The following ME3 variants were observed in gnomAD, a reference collection of about 807,000 sequenced individuals.
ME3 encodes the protein NADP-dependent malic enzyme, mitochondrial.
ME3 carries 48 observed loss-of-function variants against 68.9 expected under a neutral mutation model. The ratio of observed to expected loss-of-function variants is 0.70; its 90% CI spans 0.55 to 0.89. The LOEUF is 0.89. Ranked by LOEUF, ME3 falls within the 40% of genes least tolerant of loss-of-function variation. ME3 has a pLI of 0.00. For synonymous variants in ME3, 320 were observed against 318.8 expected, an observed-to-expected ratio of 1.00 and a Z score of -0.04; for missense variants, 675 against 797.4, an observed-to-expected ratio of 0.85 and a Z score of 1.85.
At chr11:86,580,892 C>T (rs1273446343) in intron 2 of ME3, among the ~76,000 whole-genome samples, 1 of 152,144 alleles carries the variant, frequency 6.6e-6, no homozygotes, top group Non-Finnish European at 1.5e-5. Flanking sequence ...ATCAGTCTAC[C>T]AAAGTAGGTG....
intron 2 of ME3, among the ~76,000 whole-genome samples, chr11:86,657,069 A>C (rs915774127): frequency 9.9e-5 from 15 of 152,212 alleles, no homozygotes; most frequent in Non-Finnish European, 2.1e-4. Flanking sequence ...GGGATTCCTC[A>C]AGGATCTAGA....
chr11:86,556,553 C>G, exon 4 of ME3: 1 of 1,613,280 alleles, frequency 6.2e-7, no homozygotes, highest in Non-Finnish European at 8.5e-7. Context: ...GGGGGCTCAC[C>G]GGGGCCTGCG....
At chr11:86,577,242 A>G (rs1379454117) in intron 2 of ME3, among the ~76,000 whole-genome samples, 1 of 152,228 alleles carries the variant, frequency 6.6e-6, no homozygotes, top group Non-Finnish European at 1.5e-5. Context: ...GAGATTGCAC[A>G]GATAGGGGAT....
intron 2 of ME3, among the ~76,000 whole-genome samples, chr11:86,573,766 T>G (rs1337942185): frequency 6.6e-6 from 1 of 152,174 alleles, no homozygotes; most frequent in African/African-American, 2.4e-5. Flanking sequence ...TGGCTATGGG[T>G]TTGTCATAAA....
intron 4 of ME3, among the ~76,000 whole-genome samples, chr11:86,525,005 T>G (rs370731936): frequency 6.6e-6 from 1 of 152,216 alleles, no homozygotes; most frequent in Non-Finnish European, 1.5e-5. Flanking sequence ...TTTGAAATGA[T>G]TGAGAAAAGA....
chr11:86,477,058 A>G (rs549649726), intron 7 of ME3, among the ~76,000 whole-genome samples: 2 of 152,332 alleles, frequency 1.3e-5, no homozygotes, highest in East Asian at 3.9e-4. Flanking sequence ...TTTTTTTACT[A>G]TCACTCAGGT....
At position 86,473,429 on chromosome 11, in the gene ME3, T is replaced by C. The variant is rs1174461032; in HGVS notation, c.810-8229A>G. Among the ~76,000 whole-genome samples, 3 of 152,212 alleles carry C rather than the reference T, an allele frequency of 2.0e-5. No individual in the cohort carries two copies. In the South Asian group the frequency reaches 6.2e-4, roughly 32 times the overall value. On this transcript the variant is annotated intron_variant, in intron 7 of 14. Coordinates refer to ENST00000543262, the Ensembl canonical transcript of ME3. The stretch of plus-strand genomic sequence containing the variant: ...TGGTCATCACAAATTTCAAGAAGCT[T>C]GGCTGTGAAGTAGGCAGGGTGACAG...
chr11:86,509,430 G>A lies in ME3; in HGVS notation c.468-563C>T, dbSNP rs72951796. 5.2e-4 allele frequency among the ~76,000 whole-genome samples: 49 copies of A among 93,834 alleles called. 1 individual carries two copies. The highest frequency in any genetic ancestry group is 2.0e-3 in the South Asian group (6 of 3,002). 61.6% of individuals were successfully genotyped at this position (93,834 alleles called of 152,430 possible). On this transcript the variant is annotated intron_variant, in intron 4 of 14. Transcript: ENST00000543262. The stretch of plus-strand genomic sequence containing the variant: ...CACACACACACACACACACACACAC[G>A]CATGTGCGAAGGCAATGGGGTTTGG...
At chr11:86,597,470 T>G (rs1260942746) in intron 2 of ME3, among the ~76,000 whole-genome samples, 1 of 152,216 alleles carries the variant, frequency 6.6e-6, no homozygotes, top group African/African-American at 2.4e-5. Flanking sequence ...CACATCTTGT[T>G]GTTGGAAAGG....
At chr11:86,500,613 G>C (rs1952662100) in intron 5 of ME3, among the ~76,000 whole-genome samples, 1 of 152,158 alleles carries the variant, frequency 6.6e-6, no homozygotes. Context: ...CCATAGAATA[G>C]AGTCCAAAAT....
At chr11:86,630,211 G>A (rs962607864) in intron 2 of ME3, among the ~76,000 whole-genome samples, 1 of 152,098 alleles carries the variant, frequency 6.6e-6, no homozygotes, top group South Asian at 2.1e-4. Context: ...ATGAGCTAAA[G>A]GTTTGAGTTA....
chr11:86,444,083 C>G (rs548367761), intron 13 of ME3, among the ~76,000 whole-genome samples: 6 of 152,066 alleles, frequency 3.9e-5, no homozygotes, highest in Non-Finnish European at 8.8e-5. Flanking sequence ...ATGATTATAG[C>G]AATTATAGTG....
intron 2 of ME3, among the ~76,000 whole-genome samples, chr11:86,611,267 A>G (rs1942551417): frequency 6.6e-6 from 1 of 152,144 alleles, no homozygotes; most frequent in African/African-American, 2.4e-5. Flanking sequence ...GATGTTGGTC[A>G]AAGGGTATAA....
chr11:86,672,198 G>A lies in ME3; in HGVS notation c.-15+126C>T. The A allele has an allele frequency of 1.2e-5, 5 of 418,698 alleles. 2 individuals are homozygous for A. The Middle Eastern group carries it at 1.8e-3, about 151-fold the overall frequency. The allele number at this position is 418,698 out of a possible 1,614,324, so 25.9% of individuals were successfully genotyped here. Reference sequence around the variant, plus strand: ...ACCAAGCCCTGGAAGCAGATCCGGTGCGGGTGACAGCCGGCGCCACCCCTG... The same window carrying A: ...ACCAAGCCCTGGAAGCAGATCCGGTACGGGTGACAGCCGGCGCCACCCCTG... On this transcript the variant is annotated intron_variant, in intron 1 of 14. Transcript: ENST00000543262.
At position 86,652,751 on chromosome 11, in the gene ME3, C is replaced by G. The variant is rs575435049; in HGVS notation, c.183+19011G>C. Among the ~76,000 whole-genome samples, 104 of 152,100 alleles carry G rather than the reference C, an allele frequency of 6.8e-4. 1 individual carries two copies. Among genetic ancestry groups the G allele is most frequent in the African/African-American group, 2.4e-3 (99 of 41,496 alleles). On this transcript the variant is annotated intron_variant, in intron 2 of 14. Transcript: ENST00000543262. Reference sequence around the variant, plus strand: ...TCAAATTCACACATAACAATATCAACCTTAAATGTAAATGGGCTAAATGCT... The same window carrying G: ...TCAAATTCACACATAACAATATCAAGCTTAAATGTAAATGGGCTAAATGCT...
Position 86,603,098 on chromosome 11 carries a change from G to A in ME3, c.184-43275C>T, listed in dbSNP as rs1960986466. On this transcript the variant is annotated intron_variant, in intron 2 of 14. Transcript: ENST00000543262. ...GCAACAAAAGCTAAAATTGACAAGT[G>A]GTATCTAATTAAACTAAAGAGCTTC... 3.9e-5 allele frequency among the ~76,000 whole-genome samples: 6 copies of A among 152,116 alleles called. No homozygotes were observed. The South Asian group carries it at 1.2e-3, about 32-fold the overall frequency.
intron 2 of ME3, among the ~76,000 whole-genome samples, chr11:86,654,541 C>T (rs1030014505): frequency 6.6e-6 from 1 of 152,196 alleles, no homozygotes; most frequent in Non-Finnish European, 1.5e-5. Context: ...TGACAAAATT[C>T]AACAACCCTT....
intron 8 of ME3, among the ~76,000 whole-genome samples, chr11:86,455,458 C>T (rs1425987813): frequency 6.6e-6 from 1 of 152,180 alleles, no homozygotes; most frequent in Non-Finnish European, 1.5e-5. Flanking sequence ...TAAATGATTA[C>T]AAGTGTGATG....
At chr11:86,508,109 T>G in intron 5 of ME3, among the ~76,000 whole-genome samples, 1 of 152,204 alleles carries the variant, frequency 6.6e-6, no homozygotes. Flanking sequence ...TTTGTCATTC[T>G]ACATTTATGC....
Sources: allele counts gnomAD v4.1 joint callset (sites outside exome capture counted in the v4.1 genomes callset), GRCh38; gene constraint gnomAD v4.1.1; transcripts MANE v1.5; gene names NCBI Gene and HGNC (gene_info 2026-07-23, HGNC 2026-07-21).